Variants in RAB3C observed in about 807,000 individuals in gnomAD.
The protein encoded by RAB3C is ras-related protein Rab-3C.
Under a neutral mutation model 26.4 loss-of-function variants are expected in RAB3C, and 17 were observed. The observed-to-expected ratio is 0.64, with a 90% CI of 0.44 to 0.97. RAB3C has a LOEUF of 0.97. Among genes scored for constraint, RAB3C ranks in the 50% least tolerant of loss-of-function variants. The probability of loss-of-function intolerance (pLI) is 0.00; values close to 1 mark genes in which losing one functional copy is unlikely to be tolerated. For synonymous variants in RAB3C, 91 were observed against 95.9 expected (o/e 0.95, Z 0.30); for missense variants, 242 against 281.9 (o/e 0.86, Z 1.01).
intron 3 of RAB3C, among the ~76,000 whole-genome samples, chr5:58,756,912 A>G (rs1273852264): frequency 6.6e-6 from 1 of 152,142 alleles, no homozygotes; most frequent in African/African-American, 2.4e-5. Flanking sequence ...ATATGTGTGC[A>G]TGTGTCTTTA....
At chr5:58,724,490 C>T (rs751807482) in intron 2 of RAB3C, among the ~76,000 whole-genome samples, 6 of 151,612 alleles carry the variant, frequency 4.0e-5, no homozygotes, top group Non-Finnish European at 5.9e-5. Context: ...CTTTTTTCCC[C>T]CCACAGTGGC....
rs533982306 is a variant in RAB3C at position 58,588,604 on chromosome 5, C to G, written c.24+5372C>G. Among the ~76,000 whole-genome samples the G allele has an allele frequency of 1.6e-4, 24 of 152,082 alleles. 1 individual carries two copies. The South Asian group carries it at 5.0e-3, about 32-fold the overall frequency. On this transcript the variant is annotated intron_variant, in intron 1 of 4. Coordinates refer to ENST00000282878, the MANE Select transcript of RAB3C (RefSeq NM_138453.4). ...TTTCATCTTCAGTTTAGTCCTTTGT[C>G]AAGTCAGGTAGATATATAAATAAAG...
At chr5:58,728,139 C>A (rs1008302416) in intron 3 of RAB3C, among the ~76,000 whole-genome samples, 5 of 151,974 alleles carry the variant, frequency 3.3e-5, no homozygotes, top group African/African-American at 1.2e-4. Flanking sequence ...CTACTTTTTT[C>A]ATCCAAAATT....
intron 2 of RAB3C, among the ~76,000 whole-genome samples, chr5:58,694,925 T>C (rs1223292204): frequency 1.3e-5 from 2 of 152,254 alleles, no homozygotes; most frequent in Non-Finnish European, 2.9e-5. Context: ...GCAGAGGCTC[T>C]TTAGTTTAAT....
At chr5:58,770,642 C>T (rs77665790) in intron 3 of RAB3C, among the ~76,000 whole-genome samples, 1 of 152,104 alleles carries the variant, frequency 6.6e-6, no homozygotes, top group Non-Finnish European at 1.5e-5. Context: ...TCTTGTTATA[C>T]TTTGCCTTCT....
chr5:58,825,275 A>G (rs1743449466), intron 4 of RAB3C, 113 bp downstream of exon 4: 2 of 1,152,626 alleles, frequency 1.7e-6, no homozygotes, highest in East Asian at 6.2e-5. Flanking sequence ...TTGTCAATCT[A>G]AGAGTGGAAA....
chr5:58,794,259 T>C (rs912378225), intron 3 of RAB3C: 2 of 121,866 alleles, frequency 1.6e-5, no homozygotes, highest in Non-Finnish European at 3.3e-5. Flanking sequence ...TTCTTTTTCT[T>C]TTCTTTCCTT....
rs1561133620 is a variant in RAB3C at position 58,797,396 on chromosome 5, T to TATATAC, written c.372-27641_372-27640insTATACA. Among the ~76,000 whole-genome samples the TATATAC allele has an allele frequency of 3.5e-4, 41 of 116,798 alleles. 1 individual carries two copies. Among genetic ancestry groups the TATATAC allele is most frequent in the African/African-American group, 1.2e-3 (33 of 28,012 alleles). 76.6% of individuals were successfully genotyped at this position (116,798 alleles called of 152,430 possible). ...ATATATATATATATATATATATATA[T>TATATAC]ACACAGAGAGAGAGAGAGAAATTTA... On this transcript the variant is annotated intron_variant, in intron 3 of 4. Coordinates refer to ENST00000282878, the MANE Select transcript of RAB3C (RefSeq NM_138453.4).
chr5:58,812,833 T>C (rs1021818744), intron 3 of RAB3C, among the ~76,000 whole-genome samples: 4 of 152,214 alleles, frequency 2.6e-5, no homozygotes, highest in African/African-American at 9.6e-5. Context: ...ATATAGTGGC[T>C]CTGTGGTTTT....
intron 2 of RAB3C, among the ~76,000 whole-genome samples, chr5:58,708,958 A>G (rs1406193027): frequency 6.6e-6 from 1 of 152,206 alleles, no homozygotes; most frequent in East Asian, 1.9e-4. Context: ...TAAAATGTCA[A>G]TGTACAGATG....
chr5:58,827,940 G>C (rs1400219), intron 4 of RAB3C, among the ~76,000 whole-genome samples: 92,757 of 152,090 alleles, frequency 0.61, 28,577 homozygotes, highest in Middle Eastern at 0.74. Flanking sequence ...CACAAAAGTT[G>C]CACATTGTTT....
intron 2 of RAB3C, among the ~76,000 whole-genome samples, chr5:58,649,513 C>T (rs916710836): frequency 2.0e-5 from 3 of 151,998 alleles, no homozygotes; most frequent in East Asian, 1.9e-4. Flanking sequence ...TCACTTAAGG[C>T]GACCCATCTC....
chr5:58,691,967 G>A (rs986041995), intron 2 of RAB3C, among the ~76,000 whole-genome samples: 4 of 152,078 alleles, frequency 2.6e-5, no homozygotes, highest in African/African-American at 9.7e-5. Context: ...TTTAGACCAG[G>A]GGATCACAGT....
chr5:58,710,325 G>A (rs1004187427), intron 2 of RAB3C, among the ~76,000 whole-genome samples: 32 of 152,116 alleles, frequency 2.1e-4, no homozygotes, highest in African/African-American at 6.5e-4. Context: ...CAGGCCGGGC[G>A]TGGTGGCTCA....
chr5:58,830,929 A>G (rs1484346424), intron 4 of RAB3C, among the ~76,000 whole-genome samples: 1 of 151,918 alleles, frequency 6.6e-6, no homozygotes, highest in Non-Finnish European at 1.5e-5. Context: ...CTGGAGTGCA[A>G]TAGTAGCATG....
At chr5:58,601,994 A>C (rs292978) in intron 1 of RAB3C, among the ~76,000 whole-genome samples, 1 of 151,914 alleles carries the variant, frequency 6.6e-6, no homozygotes, top group Admixed American at 6.6e-5. Context: ...TAAGGCTATG[A>C]ACTTTCCTCT....
intron 2 of RAB3C, among the ~76,000 whole-genome samples, chr5:58,646,028 G>A (rs1008773518): frequency 1.6e-4 from 24 of 152,284 alleles, no homozygotes; most frequent in African/African-American, 2.9e-4. Flanking sequence ...CATTCTACCC[G>A]CACTGAACCT....
chr5:58,680,030 G>A (rs1257546377), intron 2 of RAB3C, among the ~76,000 whole-genome samples: 12 of 152,086 alleles, frequency 7.9e-5, no homozygotes, highest in Admixed American at 7.9e-4. Flanking sequence ...ATGATTGGGG[G>A]CCAAAATTTA....
chr5:58,586,192 A>T (rs1315000170), intron 1 of RAB3C, among the ~76,000 whole-genome samples: 1 of 152,080 alleles, frequency 6.6e-6, no homozygotes, highest in Non-Finnish European at 1.5e-5. Flanking sequence ...GATATATTTT[A>T]CAAGAGTATT....
Sources: gnomAD v4.1 joint callset for allele counts (sites outside exome capture counted in the v4.1 genomes callset) on GRCh38, gnomAD v4.1.1 for gene constraint, MANE v1.5 for transcripts, NCBI Gene and HGNC (gene_info 2026-07-23, HGNC 2026-07-21) for gene names.